Variants in SACS observed in about 807,000 individuals in gnomAD.
SACS encodes sacsin molecular chaperone.
SACS carries 197 observed loss-of-function variants against 348.0 expected under a neutral mutation model. That is an observed-to-expected ratio of 0.57 (90% CI 0.50 to 0.64). The LOEUF is 0.64. SACS is among the 30% of genes least tolerant of loss of function. The pLI is 0.00. For missense variants in SACS, 4,999 were observed against 5,360.8 expected (o/e 0.93, Z 2.11); for synonymous variants, 1,985 against 1,910.6 (o/e 1.04, Z -1.02).
intron 2 of SACS, among the ~76,000 whole-genome samples, chr13:23,407,633 G>C (rs778559813): frequency 6.6e-6 from 1 of 152,246 alleles, no homozygotes; most frequent in South Asian, 2.1e-4. Context: ...AATGGACTTA[G>C]ATGGTTCAGA....
At chr13:23,411,171 T>C (rs1436426656) in intron 2 of SACS, 49 bp downstream of exon 2, 1 of 1,537,814 alleles carries the variant, frequency 6.5e-7, no homozygotes, top group Non-Finnish European at 9.0e-7. Flanking sequence ...CCAACAAGTC[T>C]TAAAATCCCA....
intron 2 of SACS, among the ~76,000 whole-genome samples, chr13:23,409,552 T>C (rs1337664238): frequency 6.7e-6 from 1 of 150,284 alleles, no homozygotes; most frequent in Non-Finnish European, 1.5e-5. Context: ...TTTGCCATGT[T>C]GGTCAGGCTA....
In SACS at chr13:23,333,402, C is replaced by T; in HGVS notation, c.10474G>A (p.Ala3492Thr). 6.2e-7 allele frequency: 1 copy of T among 1,606,686 alleles called. No homozygotes were observed. Among genetic ancestry groups the T allele is most frequent in the Non-Finnish European group, 8.5e-7 (1 of 1,177,334 alleles). ...LPKIENLSYD[A>T]KLEHLIYLKN... ...AGGTAGATCAAGTGCTCTAATTTTG[C>T]ATCATAAGAGAGATTTTCAATTTTT... Residue 3492 changes from alanine to threonine, a missense_variant, in exon 10 of 10, where the codon GCA becomes ACA. Ala to Thr is a moderately conservative substitution (Grantham distance 58, BLOSUM62 0). This residue lies in a region of SACS where 734 missense variants were observed against 694.0 expected (regional missense o/e 1.06). Transcript: ENST00000382292.
chr13:23,369,365 G>C lies in SACS; in HGVS notation c.260-878C>G, dbSNP rs565240030. On this transcript the variant is annotated intron_variant, in intron 4 of 9. Coordinates refer to ENST00000382292, the MANE Select transcript of SACS (RefSeq NM_014363.6). ...AGTGACAGGGCTGTAGGAAGAACAA[G>C]AAAATGGGAAGTAATGCCTCAAATA... 4.6e-5 allele frequency among the ~76,000 whole-genome samples: 7 copies of C among 152,262 alleles called. No homozygotes were observed. In the South Asian group the frequency reaches 1.5e-3, roughly 32 times the overall value.
chr13:23,348,450 C>G (rs554383576), intron 9 of SACS, among the ~76,000 whole-genome samples: 5 of 152,350 alleles, frequency 3.3e-5, no homozygotes, highest in Middle Eastern at 3.4e-3. Context: ...GAAGCATCAA[C>G]TTATCCAGTC....
chr13:23,345,140 G>T (rs183686923), intron 9 of SACS, among the ~76,000 whole-genome samples: 1 of 152,256 alleles, frequency 6.6e-6, no homozygotes, highest in East Asian at 1.9e-4. Flanking sequence ...CTTTTCTCTT[G>T]TACAGAAAGA....
At chr13:23,364,126 G>A (rs1870917259) in intron 6 of SACS, among the ~76,000 whole-genome samples, 1 of 152,298 alleles carries the variant, frequency 6.6e-6, no homozygotes, top group South Asian at 2.1e-4. Context: ...ACAAATGTGA[G>A]CTAAGAATGA....
intron 6 of SACS, among the ~76,000 whole-genome samples, chr13:23,362,618 C>T (rs1191641458): frequency 1.5e-5 from 2 of 132,012 alleles, no homozygotes; most frequent in Non-Finnish European, 3.1e-5. Context: ...TGGAGTCTCA[C>T]TCTGTCACCC....
At chr13:23,350,697 C>CA (rs1869893155) in intron 9 of SACS, among the ~76,000 whole-genome samples, 1 of 152,176 alleles carries the variant, frequency 6.6e-6, no homozygotes, top group African/African-American at 2.4e-5. Flanking sequence ...TTATGTAGAG[C>CA]AAAAAATATC....
chr13:23,412,339 T>C (rs1294235587), intron 1 of SACS, among the ~76,000 whole-genome samples: 1 of 151,984 alleles, frequency 6.6e-6, no homozygotes, highest in Non-Finnish European at 1.5e-5. Context: ...TTCTTCCAAG[T>C]GGCAGTATGT....
chr13:23,367,560 T>C (rs1011773697), intron 5 of SACS, among the ~76,000 whole-genome samples: 11 of 152,214 alleles, frequency 7.2e-5, no homozygotes, highest in Admixed American at 4.6e-4. Flanking sequence ...TTGCTTTCTT[T>C]GATGATTATT....
At chr13:23,425,506 C>T (rs965621917) in intron 1 of SACS, among the ~76,000 whole-genome samples, 10 of 152,208 alleles carry the variant, frequency 6.6e-5, no homozygotes, top group African/African-American at 2.4e-4. Flanking sequence ...GGCCTGATGT[C>T]GTGCTGGGGC....
chr13:23,397,611 C>T (rs1283610661), intron 2 of SACS, among the ~76,000 whole-genome samples: 1 of 152,154 alleles, frequency 6.6e-6, no homozygotes, highest in Non-Finnish European at 1.5e-5. Context: ...CCTGTCCTAA[C>T]CTTTACCATG....
intron 7 of SACS, among the ~76,000 whole-genome samples, 193 bp downstream of exon 7, chr13:23,358,142 T>C (rs1386696863): frequency 2.0e-5 from 3 of 152,260 alleles, no homozygotes; most frequent in Non-Finnish European, 2.9e-5. Flanking sequence ...AGGAAAACTT[T>C]GGTATTGTTA....
At position 23,335,636 on chromosome 13, in the gene SACS, A is replaced by C; in HGVS notation, c.8240T>G (p.Ile2747Ser). The C allele has an allele frequency of 6.2e-7, 1 of 1,613,942 alleles. No individual in the cohort carries two copies. Among genetic ancestry groups the C allele is most frequent in the Non-Finnish European group, 8.5e-7 (1 of 1,179,892 alleles). Reference protein sequence around the residue: ...LLMFLNHMEKISICEIDKSTG... With the variant: ...LLMFLNHMEKSSICEIDKSTG... ...ACTCTTATCTATTTCACAAATAGAA[A>C]TTTTTTCCATGTGATTAAGAAACAT... The change falls in exon 10 of 10, where the codon ATT becomes AGT. Residue 2747 changes from isoleucine to serine, a missense_variant. Physicochemically the swap from Ile to Ser is moderately radical, Grantham distance 142 (BLOSUM62 -2). Transcript: ENST00000382292. This position sits in a 1 kb window ranked among gnomAD's most constrained non-coding sequence, Gnocchi z 4.7.
chr13:23,378,459 A>G (rs1871901530), intron 2 of SACS, among the ~76,000 whole-genome samples: 1 of 151,976 alleles, frequency 6.6e-6, no homozygotes, highest in Admixed American at 6.6e-5. Context: ...CCTTTGATTA[A>G]ACATCCTCTC....
intron 5 of SACS, 140 bp from the exon 6 acceptor site, chr13:23,365,417 T>C (rs1337549902): frequency 3.3e-6 from 2 of 602,336 alleles, no homozygotes; most frequent in African/African-American, 3.8e-5. Context: ...CTTTAAGATC[T>C]GGTGAGGCTA....
intron 9 of SACS, among the ~76,000 whole-genome samples, chr13:23,351,133 A>G (rs1461349458): frequency 6.6e-6 from 1 of 152,222 alleles, no homozygotes; most frequent in Admixed American, 6.5e-5. Flanking sequence ...ACAACTCAGG[A>G]AAGGAAAGCA....
chr13:23,401,144 G>A (rs930525032), intron 2 of SACS, among the ~76,000 whole-genome samples: 6 of 152,020 alleles, frequency 3.9e-5, no homozygotes, highest in Non-Finnish European at 1.5e-5. Context: ...CATAATTCTA[G>A]TTACCGTTTT....
Sources: allele counts gnomAD v4.1 joint callset (sites outside exome capture counted in the v4.1 genomes callset), GRCh38; gene constraint gnomAD v4.1.1; regional missense constraint gnomAD v4.1.1; non-coding constraint Gnocchi (gnomAD v3.1); transcripts MANE v1.5; gene names NCBI Gene and HGNC (gene_info 2026-07-23, HGNC 2026-07-21).